NRXN3: variants seen among roughly 807,000 people sequenced by gnomAD.
NRXN3 encodes neurexin 3.
NRXN3 carries 32 observed loss-of-function variants against 137.6 expected under a neutral mutation model. The ratio of observed to expected loss-of-function variants is 0.23; its 90% CI spans 0.18 to 0.31. The LOEUF (loss-of-function observed/expected upper bound fraction) is 0.31, where lower values mean the gene tolerates loss of function less well. Among genes scored for constraint, NRXN3 ranks in the 10% least tolerant of loss-of-function variants. The probability of loss-of-function intolerance (pLI) is 1.00; values close to 1 mark genes in which losing one functional copy is unlikely to be tolerated. For synonymous variants in NRXN3, 798 were observed against 784.5 expected (o/e 1.02, Z -0.29); for missense variants, 1,574 against 2,062.5 (o/e 0.76, Z 4.59).
intron 15 of NRXN3, among the ~76,000 whole-genome samples, chr14:79,234,844 C>T (rs933144076): frequency 1.3e-5 from 2 of 151,914 alleles, no homozygotes; most frequent in African/African-American, 4.8e-5. Context: ...TTGTTAATAT[C>T]CAGCTCCTGG....
At position 79,427,158 on chromosome 14, in the gene NRXN3, A is replaced by T. The variant is rs141201584; in HGVS notation, c.3263-40063A>T. Among the ~76,000 whole-genome samples the T allele has an allele frequency of 1.2e-4, 19 of 152,286 alleles. No individual in the cohort carries two copies. The South Asian group carries it at 1.9e-3, about 15-fold the overall frequency. On this transcript the variant is annotated intron_variant, in intron 15 of 20. Transcript: ENST00000335750. ...TTTTAAGAGGCGTGTTTCAACTAAC[A>T]GGAGGAGAGATGCAAAGAGCTTTCA...
At chr14:78,827,028 C>A (rs577642660) in intron 10 of NRXN3, among the ~76,000 whole-genome samples, 6 of 152,240 alleles carry the variant, frequency 3.9e-5, no homozygotes, top group African/African-American at 1.4e-4. Flanking sequence ...ATGTTATCTT[C>A]AATAGTTATC....
chr14:78,465,266 GA>G (rs1411791194), intron 4 of NRXN3, among the ~76,000 whole-genome samples: 1 of 152,022 alleles, frequency 6.6e-6, no homozygotes, highest in African/African-American at 2.4e-5. Flanking sequence ...AAGCACCCTG[GA>G]AATTGTTTAG....
chr14:79,653,229 C>T (rs1269107622), intron 16 of NRXN3, among the ~76,000 whole-genome samples: 1 of 152,130 alleles, frequency 6.6e-6, no homozygotes. Flanking sequence ...AGTTAATCAC[C>T]ATTTATCACT....
chr14:79,236,922 A>G (rs2073464390), intron 15 of NRXN3, among the ~76,000 whole-genome samples: 1 of 152,090 alleles, frequency 6.6e-6, no homozygotes, highest in African/African-American at 2.4e-5. Context: ...AAAAATATAT[A>G]TATTTTTAAA....
At chr14:79,610,840 G>A (rs1567656742) in intron 16 of NRXN3, among the ~76,000 whole-genome samples, 1 of 152,194 alleles carries the variant, frequency 6.6e-6, no homozygotes, top group Non-Finnish European at 1.5e-5. Flanking sequence ...CCTCTGTAGA[G>A]TTAAAGACAA....
At chr14:78,889,002 T>A (rs1047220652) in intron 10 of NRXN3, among the ~76,000 whole-genome samples, 1 of 152,158 alleles carries the variant, frequency 6.6e-6, no homozygotes, top group East Asian at 1.9e-4. Flanking sequence ...AGATATCTTA[T>A]ATCCTAAGGC....
intron 4 of NRXN3, among the ~76,000 whole-genome samples, chr14:78,517,992 A>C (rs1157625679): frequency 6.6e-6 from 1 of 152,164 alleles, no homozygotes; most frequent in African/African-American, 2.4e-5. Context: ...TGGGAGGTTA[A>C]GTATGTCTTA....
chr14:79,085,325 A>G (rs568092670), intron 15 of NRXN3, among the ~76,000 whole-genome samples: 4 of 152,306 alleles, frequency 2.6e-5, no homozygotes, highest in South Asian at 2.1e-4. Context: ...CCTTAGCACT[A>G]TCAATGTCAG....
intron 6 of NRXN3, among the ~76,000 whole-genome samples, chr14:78,684,349 C>G (rs2098106600): frequency 6.6e-6 from 1 of 152,158 alleles, no homozygotes; most frequent in Non-Finnish European, 1.5e-5. Flanking sequence ...CAAATTTGGC[C>G]TGGATAAGGC....
intron 10 of NRXN3, among the ~76,000 whole-genome samples, chr14:78,889,878 T>C (rs1465755570): frequency 6.6e-6 from 1 of 152,042 alleles, no homozygotes; most frequent in African/African-American, 2.4e-5. Context: ...GATGAGATCA[T>C]CCTGGATTGT....
intron 1 of NRXN3, among the ~76,000 whole-genome samples, chr14:78,230,809 G>C (rs892026393): frequency 6.6e-6 from 1 of 152,114 alleles, no homozygotes; most frequent in East Asian, 1.9e-4. Flanking sequence ...GGTCTCAAAG[G>C]CCACAGGGAG....
chr14:78,324,541 A>G (rs2079810674), intron 4 of NRXN3, among the ~76,000 whole-genome samples: 2 of 152,206 alleles, frequency 1.3e-5, no homozygotes, highest in South Asian at 4.1e-4. Context: ...TAAATAACAA[A>G]ACCAAATTAA....
intron 2 of NRXN3, among the ~76,000 whole-genome samples, chr14:78,277,435 A>G (rs1205664607): frequency 6.6e-6 from 1 of 152,152 alleles, no homozygotes; most frequent in African/African-American, 2.4e-5. Flanking sequence ...TGAATGAATG[A>G]TGGACTAGGT....
chr14:79,356,194 TA>T (rs2093416713), intron 15 of NRXN3, among the ~76,000 whole-genome samples: 1 of 152,208 alleles, frequency 6.6e-6, no homozygotes, highest in Non-Finnish European at 1.5e-5. Context: ...GTGGCCTGAT[TA>T]AAACTAGCCT....
intron 4 of NRXN3, among the ~76,000 whole-genome samples, chr14:78,350,480 C>T (rs1259356464): frequency 2.0e-5 from 3 of 151,936 alleles, no homozygotes; most frequent in Non-Finnish European, 4.4e-5. Context: ...GTGGCCAGAG[C>T]AGGGTATGCG....
chr14:79,160,172 T>C (rs1292298707), intron 15 of NRXN3, among the ~76,000 whole-genome samples: 2 of 151,924 alleles, frequency 1.3e-5, no homozygotes, highest in Admixed American at 1.3e-4. Flanking sequence ...AGAATGAAAG[T>C]TAGGTTGTAG....
At chr14:79,479,635 A>C (rs2096589662) in intron 16 of NRXN3, among the ~76,000 whole-genome samples, 1 of 152,156 alleles carries the variant, frequency 6.6e-6, no homozygotes, top group Non-Finnish European at 1.5e-5. Context: ...GGAACACAGA[A>C]TTTTGGCTAA....
At chr14:79,036,247 C>A (rs1273130066) in intron 15 of NRXN3, among the ~76,000 whole-genome samples, 1 of 152,036 alleles carries the variant, frequency 6.6e-6, no homozygotes, top group Non-Finnish European at 1.5e-5. Context: ...AATTTCAAAG[C>A]ACCAATCGTC....
Sources: gnomAD v4.1 joint callset for allele counts (sites outside exome capture counted in the v4.1 genomes callset) on GRCh38, gnomAD v4.1.1 for gene constraint, MANE v1.5 for transcripts, NCBI Gene and HGNC (gene_info 2026-07-23, HGNC 2026-07-21) for gene names.